Variants in ATG9B observed in about 807,000 individuals in gnomAD.
ATG9B encodes the protein autophagy related 9B.
Under a neutral mutation model 92.9 loss-of-function variants are expected in ATG9B, and 92 were observed. The ratio of observed to expected loss-of-function variants is 0.99; its 90% CI spans 0.84 to 1.18. ATG9B has a LOEUF of 1.18. Ranked by LOEUF, ATG9B falls within the 50% of genes most tolerant of loss-of-function variation. The pLI is 0.00. For synonymous variants in ATG9B, 599 were observed against 551.4 expected (o/e 1.09, Z -1.21); for missense variants, 1,344 against 1,235.0 (o/e 1.09, Z -1.32).
At chr7:151,015,774 C>T in intron 13 of ATG9B, 61 bp from the exon 14 acceptor site, 1 of 1,392,910 alleles carries the variant, frequency 7.2e-7, no homozygotes, top group South Asian at 1.5e-5. Context: ...AGATGACCAC[C>T]TCCCATCACC....
rs1436052444 is a variant in ATG9B, at chr7:151,019,155, C to G, written c.1183G>C (p.Gly395Arg). The part of the protein sequence containing the change: ...WGGSAAFLSR[G>R]LALNVDLLLF... The stretch of plus-strand genomic sequence containing the variant: ...AGCAGGTCGACATTGAGCGCCAGGC[C>G]GCGGCTGAGGAAAGCCGCACTGCCT... The change falls in exon 6 of 14, where the codon GGC becomes CGC. Residue 395 changes from glycine (G) to arginine (R), a missense_variant. Gly to Arg is a moderately radical substitution (Grantham distance 125, BLOSUM62 -2). Transcript: ENST00000639579. 1 of 1,536,204 alleles carries G rather than the reference C, an allele frequency of 6.5e-7. No individual in the cohort carries two copies. Among genetic ancestry groups the G allele is most frequent in the Non-Finnish European group, 8.7e-7 (1 of 1,146,616 alleles).
chr7:151,018,295 G>A lies in ATG9B; in HGVS notation c.1871C>T (p.Ala624Val), dbSNP rs1205367783. 4 of 1,551,060 alleles carry A rather than the reference G, an allele frequency of 2.6e-6. No homozygotes were observed. Among genetic ancestry groups the A allele is most frequent in the Non-Finnish European group, 2.6e-6 (3 of 1,158,038 alleles). The change falls in exon 7 of 14, where the codon GCG (alanine) becomes GTG (valine). Residue 624 changes from alanine (A) to valine (V), a missense_variant and splice_region_variant. Physicochemically the swap from Ala to Val is moderately conservative, Grantham distance 64 (BLOSUM62 0). Transcript: ENST00000639579. This position sits in a 1 kb window ranked among gnomAD's most constrained non-coding sequence, Gnocchi z 4.7. ...RQMAQLLQYR[A>V]VSLLEELLSP... ...GCCCGCCGTCGCGCCCACCCTCACC[G>A]CTCGGTACTGCAGCAGCTGCGCCAT...
In ATG9B at chr7:151,019,032, C is replaced by A. The variant is rs941203289; in HGVS notation, c.1306G>T (p.Gly436Trp). ...DQRGALAARWGRTVLLLAALN... is the reference protein window; with the variant it reads ...DQRGALAARWWRTVLLLAALN... ...GCGGCCAGCAGCAGCACTGTGCGCCCCCAGCGCGCTGCTAGGGCGCCCCGC... is the reference window on the plus strand; with the variant it reads ...GCGGCCAGCAGCAGCACTGTGCGCCACCAGCGCGCTGCTAGGGCGCCCCGC... Residue 436 changes from glycine (G) to tryptophan (W), a missense_variant, in exon 6 of 14, where the codon GGG becomes TGG. By Grantham distance (184) the Gly-to-Trp change is radical (BLOSUM62 -2). Coordinates refer to ENST00000639579, the MANE Select transcript of ATG9B (RefSeq NM_001317056.2). The A allele has an allele frequency of 7.1e-6, 11 of 1,546,682 alleles. No homozygotes were observed. The highest frequency in any genetic ancestry group is 9.6e-6 in the Non-Finnish European group (11 of 1,151,280).
Position 151,018,836 on chromosome 7 carries a change from G to C in ATG9B, c.1502C>G (p.Ala501Gly). Residue 501 changes from alanine (A) to glycine (G), a missense_variant, in exon 6 of 14, where the codon GCG (alanine) becomes GGG (glycine). Physicochemically the swap from Ala to Gly is moderately conservative, Grantham distance 60. Coordinates refer to ENST00000639579, the MANE Select transcript of ATG9B (RefSeq NM_001317056.2). The surrounding 1 kb of genome is among the most constrained non-coding windows in gnomAD (Gnocchi z 4.7). ...HFNELPHELR[A>G]RLARAYRPAA... ...GGGGCGGTAGGCGCGGGCCAGGCGC[G>C]CGCGCAGCTCGTGCGGCAGCTCGTT... The C allele has an allele frequency of 7.7e-7, 1 of 1,291,438 alleles. No homozygotes were observed. The highest frequency in any genetic ancestry group is 3.2e-5 in the East Asian group (1 of 31,082). 80.0% of individuals were successfully genotyped at this position (1,291,438 alleles called of 1,614,324 possible).
Position 151,018,134 on chromosome 7 carries a change from C to T in ATG9B, c.1873-84G>A, listed in dbSNP as rs1233052781. On this transcript the variant is annotated intron_variant, in intron 7 of 13. Transcript: ENST00000639579. This position sits in a 1 kb window ranked among gnomAD's most constrained non-coding sequence, Gnocchi z 4.7. ...GGACCAAGCAGTCCCCAGCGACCCT[C>T]GCCAGGGCAAGAAGCCTCCCCACCC... is the stretch of plus-strand genomic sequence containing the variant. 6 of 1,476,020 alleles carry T rather than the reference C, an allele frequency of 4.1e-6. No homozygotes were observed. The highest frequency in any genetic ancestry group is 2.5e-5 in the East Asian group (1 of 40,588). The allele number at this position is 1,476,020 out of a possible 1,614,324, so 91.4% of individuals were successfully genotyped here.
downstream of ATG9B, chr7:151,013,479 C>T (rs1795353970): frequency 9.9e-6 from 14 of 1,420,192 alleles, no homozygotes; most frequent in Non-Finnish European, 1.2e-5. Context: ...CTCCCGTGGC[C>T]TCCCACGACC....
rs1355170491 is a variant in ATG9B at position 151,017,059 on chromosome 7, G to C, written c.2266C>G (p.Leu756Val). The C allele has an allele frequency of 1.9e-6, 3 of 1,598,850 alleles. No homozygotes were observed. Among genetic ancestry groups the C allele is most frequent in the South Asian group, 1.1e-5 (1 of 89,050 alleles). Reference protein sequence around the residue: ...SARGPSTPGVLSNCTSPLPEA... With the variant: ...SARGPSTPGVVSNCTSPLPEA... The stretch of plus-strand genomic sequence containing the variant: ...ACCAGGGGCGAGGTGCAGTTGCTGA[G>C]CACCCCCGGGGTGGAGGGGCCGCGA... The change falls in exon 9 of 14, where the codon CTC becomes GTC. Residue 756 changes from leucine to valine, a missense_variant. Leu to Val is a conservative substitution (Grantham distance 32). Transcript: ENST00000639579.
At chr7:151,012,238 T>G, downstream of ATG9B, 5 of 781,348 alleles carry the variant, frequency 6.4e-6, no homozygotes, top group Non-Finnish European at 9.2e-6. Context: ...TTTTTTTTAA[T>G]TTTTTTTTGA....
In ATG9B at chr7:151,023,495, GT is replaced by G; in HGVS notation, c.608del (p.His203ProfsTer57). 1.2e-6 allele frequency: 2 copies of G among 1,612,854 alleles called. No individual in the cohort carries two copies. The highest frequency in any genetic ancestry group is 8.5e-7 in the Non-Finnish European group (1 of 1,179,476). On this transcript the variant is annotated frameshift_variant, in exon 3 of 14. Coordinates refer to ENST00000639579, the MANE Select transcript of ATG9B (RefSeq NM_001317056.2). LOFTEE classifies it high-confidence loss of function. ...AGATGCAGGCAAAGCCATTCCGCTG[GT>G]GGTAGCTGTAGATGTGGCTGCGTGT... ...DSFFTKIYSY[H>X]QRNGFACILL...
At chr7:151,013,555 C>A, downstream of ATG9B, 1 of 1,023,992 alleles carries the variant, frequency 9.8e-7, no homozygotes, top group Non-Finnish European at 1.4e-6. Flanking sequence ...CGCCTCCTCC[C>A]GCCCCTGCCC....
At chr7:151,013,625 C>A, downstream of ATG9B, 6 of 1,223,692 alleles carry the variant, frequency 4.9e-6, no homozygotes, top group South Asian at 7.5e-5. Context: ...CCACCAGGCC[C>A]GCTCCGGAGA....
chr7:151,014,417 C>G (rs117078328), downstream of ATG9B: 1,029 of 479,830 alleles, frequency 2.1e-3, 1 homozygote, highest in Admixed American at 4.0e-3. Context: ...ACCCCAGGGC[C>G]TACTGCCACC....
chr7:151,021,357 G>C (rs921787073), intron 4 of ATG9B, 28 bp from the exon 5 acceptor site: 1 of 1,552,364 alleles, frequency 6.4e-7, no homozygotes, highest in Non-Finnish European at 8.7e-7. Context: ...GGCAGTGGGG[G>C]AGAAAGGTGG....
At position 151,019,242 on chromosome 7, in the gene ATG9B, T is replaced by TG. The variant is rs1795657167; in HGVS notation, c.1095dup (p.Asn366GlnfsTer99). 6.4e-7 allele frequency: 1 copy of TG among 1,559,804 alleles called. No homozygotes were observed. Among genetic ancestry groups the TG allele is most frequent in the Admixed American group, 1.9e-5 (1 of 53,582 alleles). ...TTGTTGGCCAGCGCCACCTGGTAGT[T>TG]GGTGTAGCGCAGGATGCGGTGGTGG... On this transcript the variant is annotated frameshift_variant, in exon 6 of 14. Transcript: ENST00000639579. LOFTEE classifies it high-confidence loss of function.
Position 151,024,184 on chromosome 7 carries a change from C to G in ATG9B, c.240G>C (p.Gly80=). The G allele has an allele frequency of 2.6e-6, 4 of 1,546,120 alleles. No individual in the cohort carries two copies. The highest frequency in any genetic ancestry group is 3.5e-6 in the Non-Finnish European group (4 of 1,145,832). ...TAGPPCSVLQ[G]TGASQSCHSA... ...TGTGGCAAGACTGAGAAGCCCCTGT[C>G]CCCTGTAGCACTGAGCAAGGGGGCC... is the stretch of plus-strand genomic sequence containing the variant. The change falls in exon 1 of 14, where the codon GGG becomes GGC. Residue 80 remains glycine (G), a synonymous_variant. Transcript: ENST00000639579.
intron 5 of ATG9B, 123 bp from the exon 6 acceptor site, chr7:151,019,497 C>T: frequency 7.7e-7 from 1 of 1,300,746 alleles, no homozygotes; most frequent in Non-Finnish European, 1.0e-6. Context: ...ACAAACTCGC[C>T]ATGACCAAGC....
chr7:151,013,326 G>C (rs762963828), downstream of ATG9B: 5 of 1,614,000 alleles, frequency 3.1e-6, no homozygotes, highest in South Asian at 5.5e-5. Context: ...CCAGCAGCGC[G>C]GGGTGTTTGG....
In ATG9B at chr7:151,024,487, G is replaced by A; in HGVS notation, c.-64C>T. ...GCTGTTGTTGCTTCCACAAAGGTCT[G>A]TGACACTGAGCTGGGACTTCAACAG... On this transcript the variant is annotated 5_prime_UTR_variant, in exon 1 of 14. Transcript: ENST00000639579. 1 of 1,199,490 alleles carries A rather than the reference G, an allele frequency of 8.3e-7. No individual in the cohort carries two copies. Among genetic ancestry groups the A allele is most frequent in the Non-Finnish European group, 1.1e-6 (1 of 938,430 alleles). 74.3% of individuals were successfully genotyped at this position (1,199,490 alleles called of 1,614,324 possible). A position where few individuals can be genotyped will look rare whatever the true frequency, so the allele number is the denominator to read the frequency against.
In ATG9B at chr7:151,019,190, A is replaced by AGCGGGCAGCGG. The variant is rs1563256219; in HGVS notation, c.1137_1147dup (p.Leu383ProfsTer53). 1.3e-6 allele frequency: 2 copies of AGCGGGCAGCGG among 1,537,170 alleles called. No homozygotes were observed. The highest frequency in any genetic ancestry group is 2.0e-5 in the Admixed American group (1 of 50,996). ...GAAAGCCGCACTGCCTCCCCAGGGC[A>AGCGGGCAGCGG]GCGGGCAGCGGGCCGGCAGCAGGCC... On this transcript the variant is annotated frameshift_variant, in exon 6 of 14. Coordinates refer to ENST00000639579, the MANE Select transcript of ATG9B (RefSeq NM_001317056.2). LOFTEE classifies it high-confidence loss of function.
Sources: allele counts gnomAD v4.1 joint callset, GRCh38; gene constraint gnomAD v4.1.1; non-coding constraint Gnocchi (gnomAD v3.1); transcripts MANE v1.5; gene names NCBI Gene and HGNC (gene_info 2026-07-23, HGNC 2026-07-21).